MYO15A: variants seen among roughly 807,000 people sequenced by gnomAD.
MYO15A encodes the protein myosin XVA.
A neutral mutation model predicts 394.6 loss-of-function variants in MYO15A; 308 were observed. That is an observed-to-expected ratio of 0.78 (90% CI 0.71 to 0.86). MYO15A has a LOEUF of 0.86. Ranked by LOEUF, MYO15A falls within the 40% of genes least tolerant of loss-of-function variation. MYO15A has a pLI of 0.00. For synonymous variants in MYO15A, 1,957 were observed against 2,003.8 expected (o/e 0.98, Z 0.62); for missense variants, 4,606 against 4,799.1 (o/e 0.96, Z 1.19).
chr17:18,126,917 G>T (rs763837200), intron 6 of MYO15A, 52 bp downstream of exon 6: 4 of 1,608,284 alleles, frequency 2.5e-6, no homozygotes, highest in Non-Finnish European at 3.4e-6. Flanking sequence ...TAGGTAGCAG[G>T]CCTGCATCTG....
rs981212271 is a variant in MYO15A, at chr17:18,120,979, G to C, written c.2179G>C (p.Val727Leu). ...SWWAFVEPPA[V>L]SPEVPPDLLA... is the part of the protein sequence containing the mutation. ...GTGGGCCTTCGTGGAGCCCCCTGCC[G>C]TGAGCCCGGAGGTGCCCCCCGACCT... is the stretch of plus-strand genomic sequence containing the variant. The change falls in exon 2 of 66, where the codon GTG (valine) becomes CTG (leucine). Residue 727 changes from valine (V) to leucine (L), a missense_variant. By Grantham distance (32) the Val-to-Leu change is conservative (BLOSUM62 1). This residue lies in a region of MYO15A where 1,830 missense variants were observed against 1,689.7 expected (regional missense o/e 1.08). Coordinates refer to ENST00000647165, the MANE Select transcript of MYO15A (RefSeq NM_016239.4). 7 of 1,498,008 alleles carry C rather than the reference G, an allele frequency of 4.7e-6. No individual in the cohort carries two copies. The African/African-American group carries it at 5.8e-5, about 12-fold the overall frequency. The allele number at this position is 1,498,008 out of a possible 1,614,324, so 92.8% of individuals were successfully genotyped here. A position where few individuals can be genotyped will look rare whatever the true frequency, so the allele number is the denominator to read the frequency against.
Position 18,139,602 on chromosome 17 carries a change from C to G in MYO15A, c.5202C>G (p.Ser1734Arg). Residue 1734 changes from serine (S) to arginine (R), a missense_variant, in exon 19 of 66, where the codon AGC becomes AGG. Coordinates refer to ENST00000647165, the MANE Select transcript of MYO15A (RefSeq NM_016239.4). ...ATGTGCTGGACCTGTTCGTACGGAG[C>G]CGGACACGGGTAAGCCTCGCCTCCC... ...RQDVLDLFVRSRTRVVAHLFS... is the reference protein window; with the variant it reads ...RQDVLDLFVRRRTRVVAHLFS... 1 of 1,613,996 alleles carries G rather than the reference C, an allele frequency of 6.2e-7. No individual in the cohort carries two copies. Among genetic ancestry groups the G allele is most frequent in the Non-Finnish European group, 8.5e-7 (1 of 1,179,992 alleles).
chr17:18,154,078 A>T, intron 43 of MYO15A, 53 bp from the exon 44 acceptor site: 8 of 1,611,198 alleles, frequency 5.0e-6, no homozygotes, highest in Non-Finnish European at 6.8e-6. Flanking sequence ...GCCGGGTGTG[A>T]AGCAAGGCCA....
In MYO15A at chr17:18,156,452, T is replaced by C; in HGVS notation, c.8601+116T>C. 7.7e-6 allele frequency: 9 copies of C among 1,167,262 alleles called. No individual in the cohort carries two copies. In the South Asian group the frequency reaches 1.2e-4, roughly 15 times the overall value. The allele number at this position is 1,167,262 out of a possible 1,614,324, so 72.3% of individuals were successfully genotyped here. A position where few individuals can be genotyped will look rare whatever the true frequency, so the allele number is the denominator to read the frequency against. On this transcript the variant is annotated intron_variant, in intron 48 of 65. Transcript: ENST00000647165. ...AGATTTCTGTCTACCTTAAGGCCTTTGCACTGGCTGTGCCTTCCACTTGGA... is the reference window on the plus strand; with the variant it reads ...AGATTTCTGTCTACCTTAAGGCCTTCGCACTGGCTGTGCCTTCCACTTGGA...
At chr17:18,166,239 G>C in intron 60 of MYO15A, 122 bp from the exon 61 acceptor site, 1 of 1,268,238 alleles carries the variant, frequency 7.9e-7, no homozygotes, top group Non-Finnish European at 1.1e-6. Flanking sequence ...CAGGCAGGTG[G>C]CTTGTCCGAG....
Position 18,153,733 on chromosome 17 carries a change from C to A in MYO15A, c.7967-42C>A, listed in dbSNP as rs1353519319. The A allele has an allele frequency of 6.3e-7, 1 of 1,599,036 alleles. No individual in the cohort carries two copies. Reference sequence around the variant, plus strand: ...TATATATATTAATTAAATAAAAAAACGAGGTGCCTTCTCCTGACTCCCTGA... The same window carrying A: ...TATATATATTAATTAAATAAAAAAAAGAGGTGCCTTCTCCTGACTCCCTGA... On this transcript the variant is annotated intron_variant, in intron 42 of 65. Transcript: ENST00000647165. The surrounding 1 kb of genome is among the most constrained non-coding windows in gnomAD (Gnocchi z 4.1).
At chr17:18,162,752 C>T (rs566217820) in intron 58 of MYO15A, 73 bp downstream of exon 58, 1 of 1,506,460 alleles carries the variant, frequency 6.6e-7, no homozygotes, top group South Asian at 1.1e-5. Flanking sequence ...GTAATCCCAG[C>T]ACTTTGGGAG....
intron 6 of MYO15A, 99 bp from the exon 7 acceptor site, chr17:18,126,976 G>T: frequency 3.1e-6 from 5 of 1,593,798 alleles, no homozygotes; most frequent in Non-Finnish European, 4.3e-6. Context: ...CCTCTGGGTT[G>T]GCCCACCGTA....
intron 65 of MYO15A, among the ~76,000 whole-genome samples, chr17:18,174,197 A>G (rs929180091): frequency 6.6e-5 from 10 of 152,314 alleles, no homozygotes; most frequent in African/African-American, 2.4e-4. Context: ...CTGGGCTGAG[A>G]TGTGGAGGCT....
Position 18,148,535 on chromosome 17 carries a change from G to A in MYO15A, c.6731G>A (p.Gly2244Glu). 1 of 1,552,724 alleles carries A rather than the reference G, an allele frequency of 6.4e-7. No homozygotes were observed. Among genetic ancestry groups the A allele is most frequent in the South Asian group, 1.2e-5 (1 of 84,124 alleles). Residue 2244 changes from glycine to glutamate, a missense_variant, in exon 32 of 66, where the codon GGG (glycine) becomes GAG (glutamate). Gly to Glu is a moderately conservative substitution (Grantham distance 98). Transcript: ENST00000647165. This position sits in a 1 kb window ranked among gnomAD's most constrained non-coding sequence, Gnocchi z 4.8. ...FSCPVHSWST[G>E]EEVAGDILRH... is the part of the protein sequence containing the mutation. ...TGCCCGGTGCACTCCTGGAGTACGG[G>A]GGAAGAGGTGGCTGGAGACATTCTG...
rs201940959 is a variant in MYO15A at position 18,157,728 on chromosome 17, G to A, written c.8795G>A (p.Arg2932Lys). ...LRRRGPDFGW[R>K]FGTIHGRVGR... ...ACCTTTTACCCACCCCTAGGCTGGA[G>A]GTTCGGGACCATCCACGGGCGCGTG... Residue 2932 changes from arginine (R) to lysine (K), a missense_variant, in exon 51 of 66, where the codon AGG becomes AAG. Around this residue, in one of 2 missense-constraint regions of MYO15A, gnomAD observed 2,776 missense variants for 3,109.3 expected, o/e 0.89. Transcript: ENST00000647165. 200 of 1,606,168 alleles carry A rather than the reference G, an allele frequency of 1.2e-4. No individual in the cohort carries two copies. The highest frequency in any genetic ancestry group is 3.3e-4 in the Middle Eastern group (2 of 6,062).
chr17:18,163,397 G>T (rs1044169062), intron 59 of MYO15A, 76 bp downstream of exon 59: 2 of 1,455,584 alleles, frequency 1.4e-6, no homozygotes, highest in East Asian at 2.3e-5. Flanking sequence ...CAGGATGGGG[G>T]TGGAGTAAGC....
In MYO15A at chr17:18,138,941, G is replaced by T. The variant is rs1209360664; in HGVS notation, c.5133+5G>T. 1 of 1,611,350 alleles carries T rather than the reference G, an allele frequency of 6.2e-7. No homozygotes were observed. The highest frequency in any genetic ancestry group is 1.1e-5 in the South Asian group (1 of 90,532). ...GCAGGCAAGGTCACCTACCAGGTGA[G>T]CCCTAAGACAGTCGGCCTGGACGCT... On this transcript the variant is annotated splice_donor_5th_base_variant and intron_variant, in intron 18 of 65. Transcript: ENST00000647165.
intron 55 of MYO15A, 117 bp from the exon 56 acceptor site, chr17:18,159,818 G>A (rs1323690456): frequency 4.1e-6 from 6 of 1,451,910 alleles, no homozygotes; most frequent in Non-Finnish European, 4.8e-6. Flanking sequence ...TGGTGGGGAG[G>A]GGGCTGGGAA....
chr17:18,154,971 C>T, intron 45 of MYO15A, 139 bp from the exon 46 acceptor site: 1 of 976,702 alleles, frequency 1.0e-6, no homozygotes, highest in Non-Finnish European at 1.6e-6. Flanking sequence ...TCATCCATTT[C>T]TGGGTTTCAG....
rs184195762 is a variant in MYO15A, at chr17:18,147,944, G to T, written c.6510-85G>T. On this transcript the variant is annotated intron_variant, in intron 30 of 65. Transcript: ENST00000647165. The surrounding 1 kb of genome is among the most constrained non-coding windows in gnomAD (Gnocchi z 4.4). ...CTGGGCCTTTCTCAGACTAGCCTCA[G>T]AATTTCCTACCCCCACCCCGCAGCC... 3.0e-3 allele frequency: 4,643 copies of T among 1,551,802 alleles called. 10 individuals carry two copies. Among genetic ancestry groups the T allele is most frequent in the Non-Finnish European group, 4.0e-3 (4,447 of 1,125,818 alleles).
In MYO15A at chr17:18,121,045, C is replaced by G; in HGVS notation, c.2245C>G (p.Arg749Gly). The G allele has an allele frequency of 1.3e-6, 2 of 1,509,772 alleles. No homozygotes were observed. Among genetic ancestry groups the G allele is most frequent in the Non-Finnish European group, 1.8e-6 (2 of 1,133,846 alleles). The allele number at this position is 1,509,772 out of a possible 1,614,324, so 93.5% of individuals were successfully genotyped here. A position where few individuals can be genotyped will look rare whatever the true frequency, so the allele number is the denominator to read the frequency against. Reference protein sequence around the residue: ...PGPRPSFRGSRRRGAAFGFPG... With the variant: ...PGPRPSFRGSGRRGAAFGFPG... ...GCCCCGACCCTCGTTCAGGGGCTCC[C>G]GCCGGAGAGGGGCGGCTTTCGGCTT... The change falls in exon 2 of 66, where the codon CGC becomes GGC. Residue 749 changes from arginine (R) to glycine (G), a missense_variant. Coordinates refer to ENST00000647165, the MANE Select transcript of MYO15A (RefSeq NM_016239.4). This position sits in a 1 kb window ranked among gnomAD's most constrained non-coding sequence, Gnocchi z 5.3.
rs1190159304 is a variant in MYO15A at position 18,166,430 on chromosome 17, A to T, written c.9857A>T (p.Asp3286Val). The change falls in exon 61 of 66, where the codon GAC (aspartate) becomes GTC (valine). Residue 3286 changes from aspartate (D) to valine (V), a missense_variant. This residue lies in a region of MYO15A where 2,776 missense variants were observed against 3,109.3 expected (regional missense o/e 0.89). Transcript: ENST00000647165. Reference sequence around the variant, plus strand: ...GTGGCCTCAGAGATGGAGCAGGTGGACGGCGGCTACATGCTCTGGTTCCGG... The same window carrying T: ...GTGGCCTCAGAGATGGAGCAGGTGGTCGGCGGCTACATGCTCTGGTTCCGG... ...LDVASEMEQV[D>V]GGYMLWFRRV... is the part of the protein sequence containing the mutation. 2 of 1,613,940 alleles carry T rather than the reference A, an allele frequency of 1.2e-6. No individual in the cohort carries two copies. Among genetic ancestry groups the T allele is most frequent in the Non-Finnish European group, 1.7e-6 (2 of 1,180,044 alleles).
chr17:18,112,978 G>T (rs1381975063), intron 1 of MYO15A, among the ~76,000 whole-genome samples: 1 of 151,956 alleles, frequency 6.6e-6, no homozygotes, highest in African/African-American at 2.4e-5. Flanking sequence ...CTCCCAAGTA[G>T]CTAGGACTAC....
Sources: allele counts gnomAD v4.1 joint callset (sites outside exome capture counted in the v4.1 genomes callset), GRCh38; gene constraint gnomAD v4.1.1; regional missense constraint gnomAD v4.1.1; non-coding constraint Gnocchi (gnomAD v3.1); transcripts MANE v1.5; gene names NCBI Gene and HGNC (gene_info 2026-07-23, HGNC 2026-07-21).